The following PRR14L variants were observed in gnomAD, a reference collection of about 807,000 sequenced individuals.
The protein encoded by PRR14L is protein PRR14L.
Under a neutral mutation model 155.0 loss-of-function variants are expected in PRR14L, and 80 were observed. The observed-to-expected ratio is 0.52, with a 90% CI of 0.43 to 0.62. PRR14L has a LOEUF of 0.62. Ranked by LOEUF, PRR14L falls within the 20% of genes least tolerant of loss-of-function variation. The probability of loss-of-function intolerance (pLI) is 0.00; values close to 1 mark genes in which losing one functional copy is unlikely to be tolerated. For synonymous variants in PRR14L, 883 were observed against 916.0 expected (o/e 0.96, Z 0.65); for missense variants, 2,469 against 2,548.0 (o/e 0.97, Z 0.67).
Position 31,716,457 on chromosome 22 carries a change from G to A in PRR14L, c.1382C>T (p.Pro461Leu). Residue 461 changes from proline (P) to leucine (L), a missense_variant, in exon 4 of 9, where the codon CCC (proline) becomes CTC (leucine). Physicochemically the swap from Pro to Leu is moderately conservative, Grantham distance 98. Coordinates refer to ENST00000327423, the MANE Select transcript of PRR14L (RefSeq NM_173566.3). ...TTCTGTGGCTTCAGTAAAAGAATTG[G>A]GCATTAAAGAACTAGAGTTCCCTGT... is the stretch of plus-strand genomic sequence containing the variant. The part of the protein sequence containing the change: ...LHTGNSSSLM[P>L]NSFTEATEVM... The A allele has an allele frequency of 1.9e-6, 3 of 1,550,788 alleles. No homozygotes were observed. The South Asian group carries it at 3.6e-5, about 19-fold the overall frequency.
In PRR14L at chr22:31,684,552, AAAAT is replaced by A. The variant is rs1403160168; in HGVS notation, c.*971_*974del. 6.6e-6 allele frequency: 1 copy of A among 152,186 alleles called. No individual in the cohort carries two copies. The highest frequency in any genetic ancestry group is 1.5e-5 in the Non-Finnish European group (1 of 68,040). 9.4% of individuals were successfully genotyped at this position (152,186 alleles called of 1,614,324 possible). A position where few individuals can be genotyped will look rare whatever the true frequency, so the allele number is the denominator to read the frequency against. On this transcript the variant is annotated 3_prime_UTR_variant, in exon 9 of 9. Transcript: ENST00000327423. ...GAAACCTGCTCTTACTTAAATCACT[AAAAT>A]AAATACATGTATTTGGTGGGCAAGA...
chr22:31,748,396 C>T (rs910964542), intron 1 of PRR14L, among the ~76,000 whole-genome samples: 1 of 152,168 alleles, frequency 6.6e-6, no homozygotes, highest in Non-Finnish European at 1.5e-5. Context: ...TTCCCATTTC[C>T]TCCCTTTAAT....
intron 1 of PRR14L, among the ~76,000 whole-genome samples, chr22:31,740,404 G>A (rs1397976730): frequency 6.6e-6 from 1 of 152,130 alleles, no homozygotes; most frequent in Non-Finnish European, 1.5e-5. Flanking sequence ...ATTTTTAGTA[G>A]AGACAAAGTT....
chr22:31,738,914 G>T lies in PRR14L; in HGVS notation c.-51-3C>A. 8.1e-7 allele frequency: 1 copy of T among 1,231,402 alleles called. No individual in the cohort carries two copies. Among genetic ancestry groups the T allele is most frequent in the Non-Finnish European group, 1.1e-6 (1 of 891,242 alleles). The allele number at this position is 1,231,402 out of a possible 1,614,324, so 76.3% of individuals were successfully genotyped here. On this transcript the variant is annotated splice_polypyrimidine_tract_variant and splice_region_variant and intron_variant, in intron 1 of 8. Coordinates refer to ENST00000327423, the MANE Select transcript of PRR14L (RefSeq NM_173566.3). Reference sequence around the variant, plus strand: ...TCTTTTACATCAAATGATTCACCCTGACACAAATCACAGGAAGGGATAAAA... The same window carrying T: ...TCTTTTACATCAAATGATTCACCCTTACACAAATCACAGGAAGGGATAAAA...
chr22:31,702,512 C>T (rs1481454133), intron 6 of PRR14L, among the ~76,000 whole-genome samples: 1 of 151,632 alleles, frequency 6.6e-6, no homozygotes, highest in African/African-American at 2.4e-5. Context: ...TGAGCCACCG[C>T]ATCTGGCCTT....
At position 31,714,362 on chromosome 22, in the gene PRR14L, AAC is replaced by A. The variant is rs1224523692; in HGVS notation, c.3475_3476del (p.Val1159CysfsTer4). The A allele has an allele frequency of 6.4e-7, 1 of 1,551,620 alleles. No homozygotes were observed. Among genetic ancestry groups the A allele is most frequent in the Non-Finnish European group, 8.7e-7 (1 of 1,147,014 alleles). Reference sequence around the variant, plus strand: ...TTCTTTTATTTGGTTCATGATCTGCAACAGACTCCATCTCATGGGCACAAGAG... The same window carrying A: ...TTCTTTTATTTGGTTCATGATCTGCAAGACTCCATCTCATGGGCACAAGAG... Reference protein sequence around the residue: ...PDSCAHEMESVADHEPNKRIL... With the variant: ...PDSCAHEMESXADHEPNKRIL... On this transcript the variant is annotated frameshift_variant, in exon 4 of 9. Transcript: ENST00000327423. LOFTEE classifies it high-confidence loss of function.
intron 3 of PRR14L, among the ~76,000 whole-genome samples, chr22:31,723,418 G>A (rs1241625193): frequency 6.6e-6 from 1 of 152,108 alleles, no homozygotes. Flanking sequence ...AAATAACCCT[G>A]GTTCTCCTGT....
At chr22:31,734,964 C>T (rs1250363194) in intron 2 of PRR14L, among the ~76,000 whole-genome samples, 1 of 152,206 alleles carries the variant, frequency 6.6e-6, no homozygotes, top group African/African-American at 2.4e-5. Context: ...CTAAAACCTG[C>T]AGGTCTTCCG....
chr22:31,725,254 A>C (rs1397660516), intron 3 of PRR14L, among the ~76,000 whole-genome samples: 1 of 152,014 alleles, frequency 6.6e-6, no homozygotes, highest in Non-Finnish European at 1.5e-5. Flanking sequence ...AAAATTTACA[A>C]AATCAGTCAG....
intron 4 of PRR14L, among the ~76,000 whole-genome samples, chr22:31,708,027 C>G (rs1357345762): frequency 1.3e-5 from 2 of 151,744 alleles, no homozygotes; most frequent in Admixed American, 1.3e-4. Flanking sequence ...TGCATGCCTG[C>G]AATCCCAGCT....
chr22:31,737,286 G>C (rs561783173), intron 2 of PRR14L, among the ~76,000 whole-genome samples: 1 of 152,024 alleles, frequency 6.6e-6, no homozygotes, highest in East Asian at 1.9e-4. Flanking sequence ...TTCTAGACCA[G>C]CCTGGTCAAC....
At chr22:31,725,959 A>G (rs1009669228) in intron 2 of PRR14L, among the ~76,000 whole-genome samples, 8 of 151,876 alleles carry the variant, frequency 5.3e-5, no homozygotes, top group Admixed American at 4.6e-4. Context: ...GTGAGCCACC[A>G]CGCCTGGCTG....
intron 7 of PRR14L, among the ~76,000 whole-genome samples, chr22:31,695,038 G>A (rs369643692): frequency 2.0e-5 from 3 of 151,922 alleles, no homozygotes; most frequent in East Asian, 3.9e-4. Flanking sequence ...AACCCAGATC[G>A]CGGCACTGCA....
intron 6 of PRR14L, among the ~76,000 whole-genome samples, chr22:31,702,482 A>G (rs1197665923): frequency 6.6e-6 from 1 of 151,986 alleles, no homozygotes; most frequent in African/African-American, 2.4e-5. Context: ...CGGCCACCCA[A>G]AGTGCTAGGA....
chr22:31,712,653 T>C lies in PRR14L; in HGVS notation c.5186A>G (p.Asp1729Gly). The change falls in exon 4 of 9, where the codon GAT becomes GGT. Residue 1729 changes from aspartate to glycine, a missense_variant. Coordinates refer to ENST00000327423, the MANE Select transcript of PRR14L (RefSeq NM_173566.3). ...VSFHVKSSSSDCTTESSRTFP... is the reference protein window; with the variant it reads ...VSFHVKSSSSGCTTESSRTFP... ...AGTCCTTGAGGACTCAGTCGTGCAA[T>C]CTGAGCTGGATGATTTCACATGAAA... is the stretch of plus-strand genomic sequence containing the variant. 1 of 1,551,758 alleles carries C rather than the reference T, an allele frequency of 6.4e-7. No homozygotes were observed. Among genetic ancestry groups the C allele is most frequent in the Non-Finnish European group, 8.7e-7 (1 of 1,147,002 alleles).
rs2074663693 is a variant in PRR14L at position 31,716,931 on chromosome 22, TTTG to T, written c.905_907del (p.Pro302_Asn303delinsHis). ...ATTGTCATCTGCTTCACAGACCAGG[TTTG>T]GTTTACACAACTCTTCCTTCCCATT... On this transcript the variant is annotated inframe_deletion, in exon 4 of 9. Coordinates refer to ENST00000327423, the MANE Select transcript of PRR14L (RefSeq NM_173566.3). The T allele has an allele frequency of 1.3e-6, 2 of 1,551,868 alleles. No individual in the cohort carries two copies. Among genetic ancestry groups the T allele is most frequent in the African/African-American group, 2.7e-5 (2 of 73,052 alleles).
At chr22:31,728,209 C>G (rs1485640718) in intron 2 of PRR14L, among the ~76,000 whole-genome samples, 1 of 152,130 alleles carries the variant, frequency 6.6e-6, no homozygotes, top group African/African-American at 2.4e-5. Flanking sequence ...CCCCCACCTG[C>G]TCCAAAATAG....
In PRR14L at chr22:31,683,515, T is replaced by C. The variant is rs939717504; in HGVS notation, c.*2012A>G. ...AAGGGAGAGGTATTGAGGTGAAACA[T>C]AGGTCGTGTCTATACAGTCTGGGCA... On this transcript the variant is annotated 3_prime_UTR_variant, in exon 9 of 9. Coordinates refer to ENST00000327423, the MANE Select transcript of PRR14L (RefSeq NM_173566.3). The C allele has an allele frequency of 2.0e-5, 3 of 152,232 alleles. No homozygotes were observed. The highest frequency in any genetic ancestry group is 6.6e-5 in the Admixed American group (1 of 15,266). 9.4% of individuals were successfully genotyped at this position (152,232 alleles called of 1,614,324 possible).
At chr22:31,701,571 T>G (rs2074563356) in intron 7 of PRR14L, 85 bp downstream of exon 7, 2 of 736,298 alleles carry the variant, frequency 2.7e-6, no homozygotes, top group African/African-American at 1.8e-5. Context: ...TGGCTCAGAG[T>G]GTAGGACCAT....
Sources: allele counts gnomAD v4.1 joint callset (sites outside exome capture counted in the v4.1 genomes callset), GRCh38; gene constraint gnomAD v4.1.1; transcripts MANE v1.5; gene names NCBI Gene and HGNC (gene_info 2026-07-23, HGNC 2026-07-21).